CEP164: variants seen among roughly 807,000 people sequenced by gnomAD.
CEP164 encodes the protein centrosomal protein of 164 kDa.
In CEP164, 162 loss-of-function variants were observed where a neutral mutation model predicts 182.7. That is an observed-to-expected ratio of 0.89 (90% CI 0.78 to 1.01). CEP164 has a LOEUF of 1.01. Ranked by LOEUF, CEP164 falls within the 50% of genes least tolerant of loss-of-function variation. The probability of loss-of-function intolerance (pLI) is 0.00; values close to 1 mark genes in which losing one functional copy is unlikely to be tolerated. For missense variants in CEP164, 1,735 were observed against 1,790.4 expected, an observed-to-expected ratio of 0.97 and a Z score of 0.56; for synonymous variants, 661 against 690.0, an observed-to-expected ratio of 0.96 and a Z score of 0.66.
At chr11:117,403,450 A>G (rs1362756442) in intron 27 of CEP164, among the ~76,000 whole-genome samples, 1 of 152,186 alleles carries the variant, frequency 6.6e-6, no homozygotes, top group Non-Finnish European at 1.5e-5. Flanking sequence ...TGGATATGAA[A>G]TTCTTTTCTT....
rs1686415613 is a variant in CEP164 at position 117,395,541 on chromosome 11, C to T, written c.2914-6C>T. ...TGGGTGCTTCTATCTTTCCTTTTGC[C>T]CCTAGGAAGCCACAGCCACCCATCA... On this transcript the variant is annotated splice_region_variant and splice_polypyrimidine_tract_variant and intron_variant, in intron 23 of 32. Transcript: ENST00000278935. The T allele has an allele frequency of 1.7e-5, 28 of 1,605,542 alleles. No individual in the cohort carries two copies. Among genetic ancestry groups the T allele is most frequent in the Non-Finnish European group, 2.3e-5 (27 of 1,176,054 alleles).
chr11:117,387,500 G>C, intron 15 of CEP164, 88 bp downstream of exon 15: 2 of 1,311,158 alleles, frequency 1.5e-6, no homozygotes, highest in Non-Finnish European at 2.1e-6. Flanking sequence ...GGACCACTGG[G>C]ATGCCCATGG....
chr11:117,365,715 G>A (rs535132664), intron 8 of CEP164, among the ~76,000 whole-genome samples: 1 of 152,138 alleles, frequency 6.6e-6, no homozygotes, highest in East Asian at 1.9e-4. Context: ...GAGTAGCTGG[G>A]ATTACAGGCG....
chr11:117,380,821 T>C, intron 12 of CEP164, 116 bp downstream of exon 12: 1 of 893,662 alleles, frequency 1.1e-6, no homozygotes, highest in Admixed American at 2.3e-5. Flanking sequence ...TGGCAGCAGG[T>C]GATGAACTGG....
chr11:117,400,297 GATGTGTGGC>G (rs2045980803), intron 27 of CEP164, among the ~76,000 whole-genome samples: 1 of 152,148 alleles, frequency 6.6e-6, no homozygotes, highest in East Asian at 1.9e-4. Flanking sequence ...AATGGTTGTA[GATGTGTGGC>G]GCTATTTCTG....
chr11:117,350,776 T>TTTTTTC (rs2039521721), intron 4 of CEP164, among the ~76,000 whole-genome samples: 2 of 152,262 alleles, frequency 1.3e-5, no homozygotes, highest in Non-Finnish European at 2.9e-5. Context: ...TCCAGTGGGT[T>TTTTTTC]TTTTTCTTTT....
rs1476118641 is a variant in CEP164 at position 117,409,878 on chromosome 11, G to A, written c.4009G>A (p.Asp1337Asn). Reference sequence around the variant, plus strand: ...ACCCACGTCCACCCAATGGGCCTGGGATTCAGGGCAGGGGCCCAGGCTCCC... The same window carrying A: ...ACCCACGTCCACCCAATGGGCCTGGAATTCAGGGCAGGGGCCCAGGCTCCC... ...ATPTSTQWAW[D>N]SGQGPRLPSS... The change falls in exon 30 of 33, where the codon GAT becomes AAT. Residue 1337 changes from aspartate to asparagine, a missense_variant. By Grantham distance (23) the Asp-to-Asn change is conservative. Coordinates refer to ENST00000278935, the MANE Select transcript of CEP164 (RefSeq NM_014956.5). This position sits in a 1 kb window ranked among gnomAD's most constrained non-coding sequence, Gnocchi z 4.4. 3 of 1,613,818 alleles carry A rather than the reference G, an allele frequency of 1.9e-6. No individual in the cohort carries two copies. Among genetic ancestry groups the A allele is most frequent in the Non-Finnish European group, 2.5e-6 (3 of 1,179,952 alleles).
At chr11:117,330,189 C>T (rs899738009) in intron 1 of CEP164, among the ~76,000 whole-genome samples, 1 of 152,022 alleles carries the variant, frequency 6.6e-6, no homozygotes, top group Non-Finnish European at 1.5e-5. Context: ...TTGCCCTTAC[C>T]TTTGTGTTCT....
chr11:117,334,412 A>AT (rs994788793), intron 1 of CEP164, among the ~76,000 whole-genome samples: 3 of 152,098 alleles, frequency 2.0e-5, no homozygotes, highest in African/African-American at 4.8e-5. Context: ...CCATATTTTA[A>AT]TTTTTTTCTG....
In CEP164 at chr11:117,336,679, G is replaced by C. The variant is rs150351661; in HGVS notation, c.-22+999G>C. 34 of 845,424 alleles carry C rather than the reference G, an allele frequency of 4.0e-5. 1 individual carries two copies. Among genetic ancestry groups the C allele is most frequent in the African/African-American group, 3.0e-4 (18 of 60,110 alleles). 52.4% of individuals were successfully genotyped at this position (845,424 alleles called of 1,614,324 possible). On this transcript the variant is annotated intron_variant, in intron 2 of 32. Transcript: ENST00000278935. ...TTCCACGGCTGCCTGGGCTTGATGC[G>C]TTCTACCAGATCCTGATGTTTTTAA...
At chr11:117,387,517 T>A in intron 15 of CEP164, 105 bp downstream of exon 15, 1 of 1,075,848 alleles carries the variant, frequency 9.3e-7, no homozygotes, top group Non-Finnish European at 1.3e-6. Flanking sequence ...ATGGTTCTAC[T>A]AAGACCAACT....
chr11:117,371,379 A>AGAG lies in CEP164; in HGVS notation c.1070_1072dup (p.Glu357dup), dbSNP rs2042177715. The AGAG allele has an allele frequency of 6.2e-7, 1 of 1,614,216 alleles. No individual in the cohort carries two copies. The highest frequency in any genetic ancestry group is 8.5e-7 in the Non-Finnish European group (1 of 1,180,028). On this transcript the variant is annotated inframe_insertion, in exon 9 of 33. Transcript: ENST00000278935. Reference sequence around the variant, plus strand: ...CACCAGAGGACACAGTAGATGCAGGAGAGGAGGGTTCCAGGAGGGAAGAGG... The same window carrying AGAG: ...CACCAGAGGACACAGTAGATGCAGGAGAGGAGGAGGGTTCCAGGAGGGAAGAGG...
rs767099855 is a variant in CEP164, at chr11:117,395,135, C to G, written c.2857C>G (p.Arg953Gly). The change falls in exon 23 of 33, where the codon CGG becomes GGG. Residue 953 changes from arginine to glycine, a missense_variant. Arg to Gly is a moderately radical substitution (Grantham distance 125). Transcript: ENST00000278935. The part of the protein sequence containing the change: ...ALLEVQEETA[R>G]REKQQLLDVQ... ...TCTTCCCTGCAAGGAGGAGACCGCC[C>G]GGAGGGAGAAGCAGCAGCTGCTTGA... The G allele has an allele frequency of 1.2e-6, 2 of 1,614,024 alleles. No homozygotes were observed. Among genetic ancestry groups the G allele is most frequent in the African/African-American group, 2.7e-5 (2 of 74,908 alleles).
At chr11:117,344,649 G>A (rs748693424) in intron 4 of CEP164, among the ~76,000 whole-genome samples, 4 of 152,084 alleles carry the variant, frequency 2.6e-5, no homozygotes, top group Non-Finnish European at 5.9e-5. Context: ...TGGTCTTGCC[G>A]GGTACGGTGG....
Position 117,410,246 on chromosome 11 carries a change from T to A in CEP164, c.4096+281T>A, listed in dbSNP as rs1020363173. 3 of 569,142 alleles carry A rather than the reference T, an allele frequency of 5.3e-6. No homozygotes were observed. In the African/African-American group the frequency reaches 5.6e-5, roughly 11 times the overall value. The allele number at this position is 569,142 out of a possible 1,614,324, so 35.3% of individuals were successfully genotyped here. ...TGACTGGGGCCTTTATTGTGGATTC[T>A]GGAGCTCAGTAGAACCTAAAAGGTC... On this transcript the variant is annotated intron_variant, in intron 30 of 32. Transcript: ENST00000278935.
chr11:117,392,086 A>G, intron 17 of CEP164, 140 bp from the exon 18 acceptor site: 1 of 593,882 alleles, frequency 1.7e-6, no homozygotes, highest in East Asian at 2.9e-5. Context: ...ATTTCAGAGG[A>G]ACAAAGATGT....
rs762633677 is a variant in CEP164, at chr11:117,409,844, A to G, written c.3975A>G (p.Ser1325=). The G allele has an allele frequency of 3.8e-6, 6 of 1,592,428 alleles. No individual in the cohort carries two copies. Among genetic ancestry groups the G allele is most frequent in the South Asian group, 2.2e-5 (2 of 90,662 alleles). Residue 1325 remains serine (S), a synonymous_variant, in exon 30 of 33, where the codon TCA becomes TCG. Coordinates refer to ENST00000278935, the MANE Select transcript of CEP164 (RefSeq NM_014956.5). This position sits in a 1 kb window ranked among gnomAD's most constrained non-coding sequence, Gnocchi z 4.4. ...CCCTGGCCAGGTTCTCAGCCTTATC[A>G]TCTGCTACACCCACGTCCACCCAAT... ...YGSLARFSAL[S]SATPTSTQWA...
upstream of CEP164, among the ~76,000 whole-genome samples, chr11:117,327,334 C>T (rs190202357): frequency 3.9e-5 from 6 of 152,176 alleles, no homozygotes; most frequent in East Asian, 1.2e-3. Context: ...GTATTATTCA[C>T]CTGATGTTAA....
chr11:117,325,741 A>C (rs1370519891), upstream of CEP164, among the ~76,000 whole-genome samples: 1 of 152,138 alleles, frequency 6.6e-6, no homozygotes, highest in Admixed American at 6.6e-5. Flanking sequence ...ATTTACAGTA[A>C]GAATAAAGGA....
Sources: allele counts gnomAD v4.1 joint callset (sites outside exome capture counted in the v4.1 genomes callset), GRCh38; gene constraint gnomAD v4.1.1; non-coding constraint Gnocchi (gnomAD v3.1); transcripts MANE v1.5; gene names NCBI Gene and HGNC (gene_info 2026-07-23, HGNC 2026-07-21).